The following PCDHA6 variants were observed in gnomAD, a reference collection of about 807,000 sequenced individuals.
The protein encoded by PCDHA6 is protocadherin alpha-6.
PCDHA6 carries 55 observed loss-of-function variants against 60.3 expected under a neutral mutation model. The ratio of observed to expected loss-of-function variants is 0.91; its 90% CI spans 0.73 to 1.14. The LOEUF is 1.14. Among genes scored for constraint, PCDHA6 ranks in the 50% most tolerant of loss-of-function variants. The probability of loss-of-function intolerance (pLI) is 0.00; values close to 1 mark genes in which losing one functional copy is unlikely to be tolerated. For synonymous variants in PCDHA6, 652 were observed against 557.9 expected, an observed-to-expected ratio of 1.17 and a Z score of -2.38; for missense variants, 1,327 against 1,256.5, an observed-to-expected ratio of 1.06 and a Z score of -0.85.
intron 1 of PCDHA6, chr5:140,883,720 A>C: frequency 6.2e-7 from 1 of 1,613,566 alleles, no homozygotes; most frequent in Non-Finnish European, 8.5e-7. Context: ...ACGCGGACGC[A>C]CAGGAGAACG....
At chr5:140,851,899 C>T (rs1295773158) in intron 1 of PCDHA6, 2 of 973,488 alleles carry the variant, frequency 2.1e-6, no homozygotes, top group African/African-American at 1.8e-5. Flanking sequence ...AGATTTGCCT[C>T]TTTAATGTCA....
rs140711682 is a variant in PCDHA6, at chr5:140,849,699, A to T, written c.2394+19214A>T. On this transcript the variant is annotated intron_variant, in intron 1 of 3. Coordinates refer to ENST00000529310, the MANE Select transcript of PCDHA6 (RefSeq NM_018909.4). ...CCCCTTCAAGCTGGTGTCCACCTACAAGAATTACTACTCGTTGGTGCTGGA... is the reference window on the plus strand; with the variant it reads ...CCCCTTCAAGCTGGTGTCCACCTACTAGAATTACTACTCGTTGGTGCTGGA... 57 of 1,598,608 alleles carry T rather than the reference A, an allele frequency of 3.6e-5. 2 individuals carry two copies. The African/African-American group carries it at 7.7e-4, about 21-fold the overall frequency.
intron 1 of PCDHA6, among the ~76,000 whole-genome samples, chr5:140,875,100 G>C (rs558585314): frequency 6.6e-6 from 1 of 152,124 alleles, no homozygotes; most frequent in Non-Finnish European, 1.5e-5. Context: ...TTGATGTTTT[G>C]TTACTAATAT....
intron 1 of PCDHA6, among the ~76,000 whole-genome samples, chr5:140,956,062 T>G (rs2153708941): frequency 6.6e-6 from 1 of 152,228 alleles, no homozygotes; most frequent in South Asian, 2.1e-4. Flanking sequence ...GACAATGGGG[T>G]TTTCCAGATA....
chr5:140,836,002 C>A (rs1302809722), intron 1 of PCDHA6: 14 of 1,613,124 alleles, frequency 8.7e-6, no homozygotes, highest in South Asian at 4.4e-5. Flanking sequence ...GCGCGCGATG[C>A]GGGCGTGCCG....
chr5:140,870,918 G>A, intron 1 of PCDHA6: 1 of 1,613,956 alleles, frequency 6.2e-7, no homozygotes, highest in Non-Finnish European at 8.5e-7. Context: ...ACAACGCGTG[G>A]CTTTCATATG....
intron 1 of PCDHA6, among the ~76,000 whole-genome samples, chr5:140,881,872 A>C (rs907896928): frequency 6.6e-6 from 1 of 152,240 alleles, no homozygotes; most frequent in South Asian, 2.1e-4. Context: ...TTGTGGCAAA[A>C]TGAAACTCAT....
chr5:140,843,708 G>A, intron 1 of PCDHA6: 1 of 1,577,200 alleles, frequency 6.3e-7, no homozygotes, highest in South Asian at 1.1e-5. Context: ...GTTGATCATG[G>A]CCTCAAAGTA....
At position 140,873,044 on chromosome 5, in the gene PCDHA6, A is replaced by T. The variant is rs115529200; in HGVS notation, c.2394+42559A>T. Among the ~76,000 whole-genome samples, 1,019 of 152,290 alleles carry T rather than the reference A, an allele frequency of 6.7e-3. 5 individuals are homozygous for T. Among genetic ancestry groups the T allele is most frequent in the Admixed American group, 0.012 (189 of 15,302 alleles). On this transcript the variant is annotated intron_variant, in intron 1 of 3. Coordinates refer to ENST00000529310, the MANE Select transcript of PCDHA6 (RefSeq NM_018909.4). ...TTCTTACTACACGTAGAGTGGTGGT[A>T]TTACAGACTTTCTTGAGAATCATAT...
rs782517492 is a variant in PCDHA6, at chr5:140,857,455, A to G, written c.2394+26970A>G. The G allele has an allele frequency of 3.4e-5, 54 of 1,598,538 alleles. 6 individuals carry two copies. Among genetic ancestry groups the G allele is most frequent in the Admixed American group, 1.0e-4 (6 of 59,344 alleles). On this transcript the variant is annotated intron_variant, in intron 1 of 3. Transcript: ENST00000529310. ...TGTTCGTGAAGGAGAACAACCCGCC[A>G]GGCTGCCACATCTTCACGGTGTCTG...
intron 1 of PCDHA6, chr5:140,835,303 A>C (rs1773561799): frequency 6.2e-7 from 1 of 1,612,938 alleles, no homozygotes; most frequent in African/African-American, 1.3e-5. Context: ...GTGATAGGAC[A>C]TATGGATTTT....
intron 1 of PCDHA6, among the ~76,000 whole-genome samples, chr5:140,901,445 C>T (rs1207516323): frequency 6.6e-6 from 1 of 152,074 alleles, no homozygotes; most frequent in Admixed American, 6.6e-5. Context: ...ATCTAGTTTC[C>T]CAGCACAGAC....
At chr5:140,875,875 G>T in intron 1 of PCDHA6, 1 of 1,614,232 alleles carries the variant, frequency 6.2e-7, no homozygotes, top group South Asian at 1.1e-5. Flanking sequence ...GGTGTTCAGA[G>T]AAAGGGAACA....
intron 1 of PCDHA6, chr5:140,866,517 C>T (rs1554160368): frequency 6.6e-6 from 1 of 152,090 alleles, no homozygotes; most frequent in African/African-American, 2.4e-5. Flanking sequence ...CTTGACTAAG[C>T]CATGATAGAG....
intron 1 of PCDHA6, among the ~76,000 whole-genome samples, chr5:140,978,185 G>C (rs1177844558): frequency 1.3e-5 from 2 of 152,168 alleles, no homozygotes; most frequent in East Asian, 3.8e-4. Context: ...GAGGGCAACA[G>C]ATCTTTTCAA....
At chr5:140,967,150 C>T (rs1400431511) in intron 1 of PCDHA6, 1 of 1,611,004 alleles carries the variant, frequency 6.2e-7, no homozygotes, top group Non-Finnish European at 8.5e-7. Context: ...CGCACAACCC[C>T]GTGGCGGTGA....
At chr5:140,925,505 C>T (rs528944783) in intron 1 of PCDHA6, among the ~76,000 whole-genome samples, 5 of 151,936 alleles carry the variant, frequency 3.3e-5, no homozygotes, top group African/African-American at 4.8e-5. Context: ...CCAATATCCA[C>T]GCAAAAGACC....
At chr5:140,856,459 A>G (rs566691333) in intron 1 of PCDHA6, 2 of 1,598,380 alleles carry the variant, frequency 1.3e-6, no homozygotes, top group South Asian at 2.2e-5. Flanking sequence ...TAACAGAACA[A>G]AAGCTCTCAA....
At position 140,875,429 on chromosome 5, in the gene PCDHA6, C is replaced by T. The variant is rs781965482; in HGVS notation, c.2394+44944C>T. ...CATAAAATACCTCAGGCAAGCGATCCCTTAAAACTGATTGTCCCAACTCAG... is the reference window on the plus strand; with the variant it reads ...CATAAAATACCTCAGGCAAGCGATCTCTTAAAACTGATTGTCCCAACTCAG... On this transcript the variant is annotated intron_variant, in intron 1 of 3. Transcript: ENST00000529310. The T allele has an allele frequency of 1.9e-6, 3 of 1,551,972 alleles. No homozygotes were observed. In the Admixed American group the frequency reaches 6.1e-5, roughly 32 times the overall value.
Sources: gnomAD v4.1 joint callset for allele counts (sites outside exome capture counted in the v4.1 genomes callset) on GRCh38, gnomAD v4.1.1 for gene constraint, MANE v1.5 for transcripts, NCBI Gene and HGNC (gene_info 2026-07-23, HGNC 2026-07-21) for gene names.